Variants in NCAM2 observed in about 807,000 individuals in gnomAD.
NCAM2 encodes the protein neural cell adhesion molecule 2, also known as N-CAM-2.
NCAM2 carries 30 observed loss-of-function variants against 98.1 expected under a neutral mutation model. The observed-to-expected ratio is 0.31, with a 90% CI of 0.23 to 0.41. NCAM2 has a LOEUF of 0.41. NCAM2 is among the 10% of genes least tolerant of loss of function. The probability of loss-of-function intolerance (pLI) is 1.00; values close to 1 mark genes in which losing one functional copy is unlikely to be tolerated. For missense variants in NCAM2, 867 were observed against 1,005.8 expected (o/e 0.86, Z 1.87); for synonymous variants, 368 against 342.4 (o/e 1.07, Z -0.83).
intron 12 of NCAM2, among the ~76,000 whole-genome samples, chr21:21,453,526 A>C (rs9977705): frequency 0.066 from 10,010 of 152,144 alleles, 503 homozygotes; most frequent in African/African-American, 0.13. Context: ...AAATCTCGTA[A>C]GTAATTCTAG....
intron 11 of NCAM2, among the ~76,000 whole-genome samples, chr21:21,426,457 A>G (rs1376358906): frequency 6.6e-6 from 1 of 152,214 alleles, no homozygotes; most frequent in Non-Finnish European, 1.5e-5. Flanking sequence ...TTTATGATAA[A>G]GAACAAGCTG....
intron 5 of NCAM2, among the ~76,000 whole-genome samples, chr21:21,305,990 A>T (rs918971769): frequency 6.6e-6 from 1 of 152,052 alleles, no homozygotes; most frequent in Non-Finnish European, 1.5e-5. Flanking sequence ...CTTTTGACTT[A>T]TTATTTATCC....
At chr21:21,356,788 C>T (rs150461354) in intron 8 of NCAM2, among the ~76,000 whole-genome samples, 1 of 151,898 alleles carries the variant, frequency 6.6e-6, no homozygotes, top group South Asian at 2.1e-4. Flanking sequence ...GTCGGGAGTT[C>T]GAGACAAACG....
At chr21:21,091,101 C>T (rs1252492230) in intron 1 of NCAM2, among the ~76,000 whole-genome samples, 2 of 152,050 alleles carry the variant, frequency 1.3e-5, no homozygotes, top group African/African-American at 4.8e-5. Context: ...AATCTGAGTT[C>T]GATGCTTGGC....
Position 21,235,607 on chromosome 21 carries a change from C to A in NCAM2, c.56-44971C>A, listed in dbSNP as rs75401156. Among the ~76,000 whole-genome samples, 1,512 of 151,986 alleles carry A rather than the reference C, an allele frequency of 9.9e-3. 64 individuals carry two copies. In the East Asian group the frequency reaches 0.16, roughly 16 times the overall value. On this transcript the variant is annotated intron_variant, in intron 1 of 17. Transcript: ENST00000400546. ...TTAGGACCTTTTGTATTGAATATAA[C>A]AGAAAATTGAAATAAAAATTTCAAT...
At chr21:21,221,473 T>TG (rs371544164) in intron 1 of NCAM2, among the ~76,000 whole-genome samples, 1 of 152,164 alleles carries the variant, frequency 6.6e-6, no homozygotes, top group Non-Finnish European at 1.5e-5. Flanking sequence ...TGGAGGAAAC[T>TG]AAAATGTACT....
rs2067654267 is a variant in NCAM2, at chr21:21,157,597, T to G, written c.56-122981T>G. 2.0e-5 allele frequency among the ~76,000 whole-genome samples: 3 copies of G among 152,292 alleles called. No homozygotes were observed. The South Asian group carries it at 6.2e-4, about 32-fold the overall frequency. On this transcript the variant is annotated intron_variant, in intron 1 of 17. Transcript: ENST00000400546. ...GGGAGGAATTAATTTAATTACACTT[T>G]GTAATGTGTTCCCTCTTATAAAATC...
intron 12 of NCAM2, among the ~76,000 whole-genome samples, chr21:21,453,606 A>G (rs183205035): frequency 8.5e-5 from 13 of 152,202 alleles, no homozygotes; most frequent in South Asian, 4.1e-4. Context: ...GTAGGGAACA[A>G]CCTTTCTCAA....
intron 16 of NCAM2, among the ~76,000 whole-genome samples, chr21:21,516,601 T>G (rs1338915079): frequency 1.3e-5 from 2 of 152,104 alleles, no homozygotes; most frequent in Admixed American, 1.3e-4. Flanking sequence ...AGTGTTTTTT[T>G]CTCTTCTCTT....
At chr21:21,514,513 A>G (rs1255317691) in intron 16 of NCAM2, among the ~76,000 whole-genome samples, 2 of 151,492 alleles carry the variant, frequency 1.3e-5, no homozygotes, top group Non-Finnish European at 2.9e-5. Flanking sequence ...TCTCTGGTGA[A>G]CAGAAGTGCC....
chr21:21,294,375 T>G lies in NCAM2; in HGVS notation c.619+2134T>G, dbSNP rs184878881. 1.3e-4 allele frequency among the ~76,000 whole-genome samples: 19 copies of G among 151,998 alleles called. No individual in the cohort carries two copies. The South Asian group carries it at 3.7e-3, about 30-fold the overall frequency. On this transcript the variant is annotated intron_variant, in intron 5 of 17. Coordinates refer to ENST00000400546, the MANE Select transcript of NCAM2 (RefSeq NM_004540.5). ...TTCAGGATGTATAAGGAGACAAATA[T>G]AGGAATATGTTTTTATGTGCCATTT... is the stretch of plus-strand genomic sequence containing the variant.
chr21:21,070,476 A>G (rs138627489), intron 1 of NCAM2, among the ~76,000 whole-genome samples: 30 of 152,262 alleles, frequency 2.0e-4, no homozygotes, highest in Non-Finnish European at 4.3e-4. Flanking sequence ...AAAAGGGTAG[A>G]CAGAGGGCAG....
At chr21:21,506,912 T>A (rs575069238) in intron 15 of NCAM2, among the ~76,000 whole-genome samples, 1 of 152,242 alleles carries the variant, frequency 6.6e-6, no homozygotes. Context: ...GCATTCTAAA[T>A]TTGTTAATTC....
intron 16 of NCAM2, among the ~76,000 whole-genome samples, chr21:21,534,052 G>A (rs1156233725): frequency 1.3e-5 from 2 of 151,726 alleles, no homozygotes; most frequent in African/African-American, 4.8e-5. Context: ...TACAAATTTT[G>A]TCTTCTAAAT....
intron 9 of NCAM2, among the ~76,000 whole-genome samples, chr21:21,376,029 T>C (rs1053363943): frequency 6.6e-6 from 1 of 151,836 alleles, no homozygotes; most frequent in African/African-American, 2.4e-5. Context: ...GTACAAGATA[T>C]GCTAGTATTA....
intron 1 of NCAM2, among the ~76,000 whole-genome samples, chr21:21,142,418 G>A (rs1407299039): frequency 3.5e-5 from 4 of 113,830 alleles, no homozygotes; most frequent in African/African-American, 6.8e-5. Context: ...TCACCCTGTC[G>A]TCCAGGCTGG....
intron 1 of NCAM2, among the ~76,000 whole-genome samples, chr21:21,131,625 T>C (rs1381793318): frequency 6.6e-6 from 1 of 152,230 alleles, no homozygotes; most frequent in African/African-American, 2.4e-5. Context: ...TTTAAAATTA[T>C]GTATTGACTT....
At chr21:21,315,365 C>T (rs1418648959) in intron 5 of NCAM2, among the ~76,000 whole-genome samples, 1 of 152,174 alleles carries the variant, frequency 6.6e-6, no homozygotes, top group African/African-American at 2.4e-5. Flanking sequence ...ACTCTATGAT[C>T]TCTGACATAC....
At chr21:21,278,167 T>A (rs2072799229) in intron 1 of NCAM2, among the ~76,000 whole-genome samples, 1 of 147,570 alleles carries the variant, frequency 6.8e-6, no homozygotes, top group African/African-American at 2.7e-5. Flanking sequence ...TCCCCTCCCT[T>A]TTTTTTTCAA....
Sources: gnomAD v4.1 joint callset for allele counts (sites outside exome capture counted in the v4.1 genomes callset) on GRCh38, gnomAD v4.1.1 for gene constraint, MANE v1.5 for transcripts, NCBI Gene and HGNC (gene_info 2026-07-23, HGNC 2026-07-21) for gene names.